CDH4: variants seen among roughly 807,000 people sequenced by gnomAD.
CDH4 encodes cadherin 4.
Under a neutral mutation model 86.0 loss-of-function variants are expected in CDH4, and 33 were observed. The observed-to-expected ratio is 0.38, with a 90% confidence interval of 0.29 to 0.51. The LOEUF is 0.51. Among genes scored for constraint, CDH4 ranks in the 20% least tolerant of loss-of-function variants. The pLI is 0.86. For missense variants in CDH4, 1,114 were observed against 1,307.4 expected (o/e 0.85, Z 2.28); for synonymous variants, 555 against 549.4 (o/e 1.01, Z -0.14).
chr20:61,674,240 G>A (rs1001620087), intron 2 of CDH4, among the ~76,000 whole-genome samples: 3 of 152,212 alleles, frequency 2.0e-5, no homozygotes, highest in Non-Finnish European at 2.9e-5. Flanking sequence ...CCCGTGGGGC[G>A]GAGAGACACA....
In CDH4 at chr20:61,725,142, G is replaced by A. The variant is rs182942981; in HGVS notation, c.170-18421G>A. Among the ~76,000 whole-genome samples, 12 of 152,310 alleles carry A rather than the reference G, an allele frequency of 7.9e-5. 1 individual carries two copies. In the East Asian group the frequency reaches 2.1e-3, roughly 27 times the overall value. On this transcript the variant is annotated intron_variant, in intron 2 of 15. Transcript: ENST00000614565. Reference sequence around the variant, plus strand: ...AATAAAAAGTAAATTTAAAAAGGTGGAGGAGTGAAGAGGAGCCTCTGTGGA... The same window carrying A: ...AATAAAAAGTAAATTTAAAAAGGTGAAGGAGTGAAGAGGAGCCTCTGTGGA...
chr20:61,765,830 C>T (rs192531812), intron 3 of CDH4, among the ~76,000 whole-genome samples: 1 of 152,214 alleles, frequency 6.6e-6, no homozygotes, highest in East Asian at 1.9e-4. Context: ...CATCTCAAAC[C>T]CTCATCCAGG....
chr20:61,640,283 G>C (rs369058766), intron 2 of CDH4, among the ~76,000 whole-genome samples: 24 of 152,342 alleles, frequency 1.6e-4, no homozygotes, highest in African/African-American at 5.8e-4. Flanking sequence ...CAGCAGCAAC[G>C]TCACGTGCCT....
intron 4 of CDH4, among the ~76,000 whole-genome samples, chr20:61,841,208 C>T (rs1188401079): frequency 6.6e-6 from 1 of 152,232 alleles, no homozygotes; most frequent in Non-Finnish European, 1.5e-5. Flanking sequence ...CAGTGCCCTT[C>T]TCCTAACCCA....
rs1980193506 is a variant in CDH4 at position 61,807,368 on chromosome 20, T to C, written c.576+34186T>C. ...AGGAGAGTGGGCGGTGGGAGAGGAT[T>C]CCCTGAGCTGTAGAGTTTACCCTCA... On this transcript the variant is annotated intron_variant, in intron 4 of 15. Transcript: ENST00000614565. This position sits in a 1 kb window ranked among gnomAD's most constrained non-coding sequence, Gnocchi z 4.5. Among the ~76,000 whole-genome samples, 1 of 152,234 alleles carries C rather than the reference T, an allele frequency of 6.6e-6. No individual in the cohort carries two copies. The highest frequency in any genetic ancestry group is 2.1e-4 in the South Asian group (1 of 4,832).
chr20:61,720,198 T>C (rs931279512), intron 2 of CDH4, among the ~76,000 whole-genome samples: 2 of 152,058 alleles, frequency 1.3e-5, no homozygotes, highest in Non-Finnish European at 2.9e-5. Flanking sequence ...TGGGCGAACG[T>C]TGGTGGTGAG....
At chr20:61,484,807 T>C (rs557902425) in intron 2 of CDH4, among the ~76,000 whole-genome samples, 24 of 152,286 alleles carry the variant, frequency 1.6e-4, no homozygotes, top group African/African-American at 5.8e-4. Context: ...ACCCGCATCA[T>C]CACAGTGTTG....
intron 2 of CDH4, among the ~76,000 whole-genome samples, chr20:61,395,401 A>T (rs2085011137): frequency 6.6e-6 from 1 of 152,214 alleles, no homozygotes; most frequent in African/African-American, 2.4e-5. Context: ...ACATATATAC[A>T]TGCATATATA....
chr20:61,430,867 C>G (rs1001648542), intron 2 of CDH4, among the ~76,000 whole-genome samples: 9 of 152,232 alleles, frequency 5.9e-5, no homozygotes, highest in African/African-American at 2.2e-4. Context: ...GGCCAAGAAA[C>G]AGAGAAAGGA....
chr20:61,763,060 C>G (rs147308245), intron 3 of CDH4, among the ~76,000 whole-genome samples: 1 of 146,956 alleles, frequency 6.8e-6, no homozygotes, highest in Non-Finnish European at 1.5e-5. Flanking sequence ...CCAGCAGGAT[C>G]AGTGCAGGAC....
intron 6 of CDH4, among the ~76,000 whole-genome samples, chr20:61,872,065 G>C (rs1270435804): frequency 6.6e-6 from 1 of 152,188 alleles, no homozygotes; most frequent in Non-Finnish European, 1.5e-5. Context: ...CTCCCTGCCT[G>C]CTCTGGGGTC....
chr20:61,372,448 G>A (rs1485068556), intron 2 of CDH4, among the ~76,000 whole-genome samples: 1 of 152,216 alleles, frequency 6.6e-6, no homozygotes, highest in Non-Finnish European at 1.5e-5. Flanking sequence ...TCTTCTGCCT[G>A]CAGGTCCCCA....
chr20:61,404,639 C>A (rs1272110452), intron 2 of CDH4, among the ~76,000 whole-genome samples: 2 of 151,848 alleles, frequency 1.3e-5, no homozygotes, highest in African/African-American at 4.8e-5. Flanking sequence ...GGCCAAATTT[C>A]CCATTAATCT....
rs1336928443 is a variant in CDH4 at position 61,928,438 on chromosome 20, G to A, written c.2005+15G>A. On this transcript the variant is annotated intron_variant, in intron 12 of 15. Coordinates refer to ENST00000614565, the MANE Select transcript of CDH4 (RefSeq NM_001794.5). ...CCGCCTGAACGGTGAGCCCGCCTTA[G>A]GCCACGGGGAGGGTCAGACTAGCCT... The A allele has an allele frequency of 1.3e-5, 21 of 1,609,004 alleles. No individual in the cohort carries two copies. Among genetic ancestry groups the A allele is most frequent in the Non-Finnish European group, 1.7e-5 (20 of 1,178,168 alleles).
intron 2 of CDH4, among the ~76,000 whole-genome samples, chr20:61,497,874 G>C (rs1041068102): frequency 6.6e-6 from 1 of 152,050 alleles, no homozygotes; most frequent in Non-Finnish European, 1.5e-5. Flanking sequence ...ATACTATTCA[G>C]CCATAAAAAA....
chr20:61,635,640 ATC>A (rs1360126724), intron 2 of CDH4, among the ~76,000 whole-genome samples: 4 of 152,156 alleles, frequency 2.6e-5, no homozygotes, highest in Non-Finnish European at 5.9e-5. Context: ...AGGCTGGGCT[ATC>A]ACCACCAGAG....
intron 2 of CDH4, among the ~76,000 whole-genome samples, chr20:61,690,582 G>C (rs1209105094): frequency 6.6e-6 from 1 of 152,152 alleles, no homozygotes; most frequent in East Asian, 1.9e-4. Context: ...GAGCAGGTCT[G>C]CTGCATGTCT....
chr20:61,721,023 C>A (rs960033628), intron 2 of CDH4, among the ~76,000 whole-genome samples: 1 of 152,118 alleles, frequency 6.6e-6, no homozygotes, highest in Non-Finnish European at 1.5e-5. Context: ...CACCATGTGT[C>A]CCCCCGGCTC....
intron 6 of CDH4, among the ~76,000 whole-genome samples, chr20:61,871,578 T>A (rs1983804026): frequency 6.6e-6 from 1 of 152,180 alleles, no homozygotes; most frequent in South Asian, 2.1e-4. Flanking sequence ...GGTTTTCCTC[T>A]TAGGAAAATG....
Sources: gnomAD v4.1 joint callset for allele counts (sites outside exome capture counted in the v4.1 genomes callset) on GRCh38, gnomAD v4.1.1 for gene constraint, Gnocchi (gnomAD v3.1) non-coding constraint, MANE v1.5 for transcripts, NCBI Gene and HGNC (gene_info 2026-07-23, HGNC 2026-07-21) for gene names.